Variants in CREM observed in about 807,000 individuals in gnomAD.
CREM encodes the protein cAMP-responsive element modulator.
Under a neutral mutation model 37.3 loss-of-function variants are expected in CREM, and 13 were observed. The observed-to-expected ratio is 0.35, with a 90% CI of 0.23 to 0.55. The LOEUF is 0.55. Ranked by LOEUF, CREM falls within the 20% of genes least tolerant of loss-of-function variation. CREM has a pLI of 0.88. For missense variants in CREM, 296 were observed against 362.3 expected (o/e 0.82, Z 1.49); for synonymous variants, 124 against 120.2 (o/e 1.03, Z -0.21).
rs2095651770 is a variant in CREM at position 35,210,933 on chromosome 10, T to C, written c.756-321T>C. Among the ~76,000 whole-genome samples, 4 of 152,222 alleles carry C rather than the reference T, an allele frequency of 2.6e-5. No homozygotes were observed. In the South Asian group the frequency reaches 6.2e-4, roughly 24 times the overall value. On this transcript the variant is annotated intron_variant, in intron 7 of 7. Coordinates refer to ENST00000685392, the MANE Select transcript of CREM (RefSeq NM_183011.2). ...AGAGAATTGAAAGGATCTATAAATGTGTTTGTAGAAATTCCACTTGGGGAT... is the reference window on the plus strand; with the variant it reads ...AGAGAATTGAAAGGATCTATAAATGCGTTTGTAGAAATTCCACTTGGGGAT...
intron 3 of CREM, among the ~76,000 whole-genome samples, chr10:35,161,482 A>G (rs571743405): frequency 2.6e-5 from 4 of 151,870 alleles, no homozygotes; most frequent in Non-Finnish European, 4.4e-5. Context: ...CAACACAGCA[A>G]GACTCCATCT....
At chr10:35,154,251 G>A (rs2092764198) in intron 3 of CREM, 2 of 392,158 alleles carry the variant, frequency 5.1e-6, no homozygotes, top group Non-Finnish European at 9.0e-6. Flanking sequence ...AATCTTCTTG[G>A]TCCCACATAG....
At position 35,137,871 on chromosome 10, in the gene CREM, A is replaced by G; in HGVS notation, c.36A>G (p.Thr12=). The change falls in exon 2 of 8, where the codon ACA becomes ACG. Residue 12 remains threonine (T), a synonymous_variant. Coordinates refer to ENST00000685392, the MANE Select transcript of CREM (RefSeq NM_183011.2). ...SKCARKKYIK[T]NPRQMTMETV... ...GTGCAAGGAAAAAATATATTAAGAC[A>G]AATCCAAGGTAGGTAGATGTACGTT... is the stretch of plus-strand genomic sequence containing the variant. 1 of 1,589,918 alleles carries G rather than the reference A, an allele frequency of 6.3e-7. No individual in the cohort carries two copies. Among genetic ancestry groups the G allele is most frequent in the Non-Finnish European group, 8.6e-7 (1 of 1,167,680 alleles).
At chr10:35,158,804 T>TTTG (rs1564838357) in intron 3 of CREM, among the ~76,000 whole-genome samples, 1 of 129,356 alleles carries the variant, frequency 7.7e-6, no homozygotes, top group African/African-American at 2.7e-5. Flanking sequence ...TAGTGTTTTT[T>TTTG]TTTTGTTGTT....
chr10:35,167,692 G>A lies in CREM; in HGVS notation c.169-11197G>A. The A allele has an allele frequency of 3.7e-6, 6 of 1,604,828 alleles. No individual in the cohort carries two copies. The African/African-American group carries it at 6.7e-5, about 18-fold the overall frequency. On this transcript the variant is annotated intron_variant, in intron 3 of 7. Coordinates refer to ENST00000685392, the MANE Select transcript of CREM (RefSeq NM_183011.2). ...TGCATCATCTTACCTTATTTCTTCA[G>A]ATTAAGTACTGTTTATAGTGGGATT...
At chr10:35,189,028 T>C (rs551635567) in intron 6 of CREM, among the ~76,000 whole-genome samples, 1 of 152,288 alleles carries the variant, frequency 6.6e-6, no homozygotes, top group Admixed American at 6.5e-5. Flanking sequence ...GTTGCAAATG[T>C]TGTACCTAAT....
Position 35,187,003 on chromosome 10 carries a change from TA to T in CREM, c.410-1196del, listed in dbSNP as rs1564919757. ...TATGTGATATATATTATATATTATATATAATATAATATATAATATATATCAC... is the reference window on the plus strand; with the variant it reads ...TATGTGATATATATTATATATTATATTAATATAATATATAATATATATCAC... On this transcript the variant is annotated intron_variant, in intron 5 of 7. Coordinates refer to ENST00000685392, the MANE Select transcript of CREM (RefSeq NM_183011.2). 6.4e-3 allele frequency among the ~76,000 whole-genome samples: 559 copies of T among 87,882 alleles called. 8 individuals are homozygous for T. Among genetic ancestry groups the T allele is most frequent in the African/African-American group, 0.027 (537 of 19,870 alleles). The allele number at this position is 87,882 out of a possible 152,430, so 57.7% of individuals were successfully genotyped here.
At chr10:35,175,730 T>A in intron 3 of CREM, 3 of 1,614,168 alleles carry the variant, frequency 1.9e-6, no homozygotes, top group Non-Finnish European at 2.5e-6. Context: ...TAGTTTGTCA[T>A]TTCTCAGCAG....
chr10:35,189,806 T>A (rs1215505485), intron 6 of CREM, among the ~76,000 whole-genome samples: 1 of 152,118 alleles, frequency 6.6e-6, no homozygotes, highest in Non-Finnish European at 1.5e-5. Context: ...AGCACTAACG[T>A]TAAGGAAAGT....
intron 3 of CREM, among the ~76,000 whole-genome samples, chr10:35,177,052 G>A (rs1307217636): frequency 1.3e-5 from 2 of 150,864 alleles, no homozygotes; most frequent in African/African-American, 2.4e-5. Context: ...TTTAAATGCT[G>A]AAATTATTTG....
chr10:35,200,677 G>A (rs2095357386), intron 6 of CREM, among the ~76,000 whole-genome samples: 1 of 152,162 alleles, frequency 6.6e-6, no homozygotes, highest in Admixed American at 6.5e-5. Context: ...CAGTGGTGGT[G>A]ATGTCAGCAG....
At chr10:35,164,105 G>T (rs2093425236) in intron 3 of CREM, among the ~76,000 whole-genome samples, 1 of 152,092 alleles carries the variant, frequency 6.6e-6, no homozygotes, top group Non-Finnish European at 1.5e-5. Context: ...GATTAAAGTT[G>T]ATACTAATTT....
chr10:35,206,927 C>G lies in CREM; in HGVS notation c.631C>G (p.Arg211Gly). Residue 211 changes from arginine (R) to glycine (G), a missense_variant, in exon 7 of 8, where the codon CGA becomes GGA. By Grantham distance (125) the Arg-to-Gly change is moderately radical. Transcript: ENST00000685392. Reference protein sequence around the residue: ...ATGDMPTYQIRAPTAALPQGV... With the variant: ...ATGDMPTYQIGAPTAALPQGV... ...TGGTGACATGCCAACTTACCAGATC[C>G]GAGCTCCTACTGCTGCTTTGCCACA... is the stretch of plus-strand genomic sequence containing the variant. The G allele has an allele frequency of 6.2e-7, 1 of 1,613,844 alleles. No individual in the cohort carries two copies. Among genetic ancestry groups the G allele is most frequent in the African/African-American group, 1.3e-5 (1 of 75,030 alleles).
At chr10:35,148,222 C>G (rs2092316579) in intron 2 of CREM, 146 bp from the exon 3 acceptor site, 3 of 709,650 alleles carry the variant, frequency 4.2e-6, no homozygotes, top group African/African-American at 3.6e-5. Context: ...TGGAATTTTC[C>G]TTTTGTGGCA....
chr10:35,207,056 G>C lies in CREM; in HGVS notation c.755+5G>C. The C allele has an allele frequency of 6.2e-7, 1 of 1,608,488 alleles. No homozygotes were observed. Among genetic ancestry groups the C allele is most frequent in the Admixed American group, 1.7e-5 (1 of 58,514 alleles). On this transcript the variant is annotated splice_donor_5th_base_variant and intron_variant, in intron 7 of 7. Coordinates refer to ENST00000685392, the MANE Select transcript of CREM (RefSeq NM_183011.2). ...GCTGAGGCTAATGAAAAACAGGTGA[G>C]GTGTTGCACAGGGAATCGGTAACTT...
intron 6 of CREM, among the ~76,000 whole-genome samples, chr10:35,194,560 A>G (rs2095066752): frequency 6.6e-6 from 1 of 152,206 alleles, no homozygotes; most frequent in South Asian, 2.1e-4. Flanking sequence ...AAATTTAATT[A>G]TCTACTCCCT....
chr10:35,173,002 A>G (rs1398738292), intron 3 of CREM, among the ~76,000 whole-genome samples: 1 of 152,240 alleles, frequency 6.6e-6, no homozygotes, highest in Non-Finnish European at 1.5e-5. Flanking sequence ...GACAATATTC[A>G]TAGTTTTCTG....
chr10:35,154,099 C>G, intron 3 of CREM: 1 of 398,556 alleles, frequency 2.5e-6, no homozygotes, highest in Non-Finnish European at 4.4e-6. Context: ...TAAAGCAGCC[C>G]TGGCATGCCA....
At position 35,188,392 on chromosome 10, in the gene CREM, T is replaced by C. The variant is rs747322408; in HGVS notation, c.598+4T>C. The C allele has an allele frequency of 1.2e-6, 2 of 1,607,906 alleles. No homozygotes were observed. Among genetic ancestry groups the C allele is most frequent in the African/African-American group, 1.3e-5 (1 of 74,678 alleles). ...GGCAGCCAGGTTGTTGTTCAAGGTATATTTTATTAATCTAATACATTTAGA... is the reference window on the plus strand; with the variant it reads ...GGCAGCCAGGTTGTTGTTCAAGGTACATTTTATTAATCTAATACATTTAGA... On this transcript the variant is annotated splice_donor_region_variant and intron_variant, in intron 6 of 7. Transcript: ENST00000685392.
Sources: allele counts gnomAD v4.1 joint callset (sites outside exome capture counted in the v4.1 genomes callset), GRCh38; gene constraint gnomAD v4.1.1; transcripts MANE v1.5; gene names NCBI Gene and HGNC (gene_info 2026-07-23, HGNC 2026-07-21).